The following KHDRBS2 variants were observed in gnomAD, a reference collection of about 807,000 sequenced individuals.
KHDRBS2 encodes KH domain-containing, RNA-binding, signal transduction-associated protein 2.
KHDRBS2 carries 26 observed loss-of-function variants against 44.3 expected under a neutral mutation model. The observed-to-expected ratio is 0.59, with a 90% confidence interval of 0.43 to 0.81. The LOEUF is 0.81. Ranked by LOEUF, KHDRBS2 falls within the 40% of genes least tolerant of loss-of-function variation. The pLI is 0.00. For missense variants in KHDRBS2, 476 were observed against 433.1 expected (o/e 1.10, Z -0.88); for synonymous variants, 194 against 151.1 (o/e 1.28, Z -2.08).
At chr6:62,028,042 A>G (rs1427157342) in intron 3 of KHDRBS2, among the ~76,000 whole-genome samples, 4 of 151,978 alleles carry the variant, frequency 2.6e-5, no homozygotes, top group Admixed American at 6.6e-5. Flanking sequence ...CTCTGAAGTG[A>G]GGGGGGCACT....
chr6:61,589,272 A>G, the KHDRBS2 span, among the ~76,000 whole-genome samples: 2 of 152,182 alleles, frequency 1.3e-5, no homozygotes, highest in Non-Finnish European at 2.9e-5. Flanking sequence ...TCAAGATTTT[A>G]TAGATATCAA....
chr6:62,067,773 C>T (rs529049113), intron 2 of KHDRBS2, among the ~76,000 whole-genome samples: 19 of 151,636 alleles, frequency 1.3e-4, no homozygotes, highest in Middle Eastern at 3.4e-3. Flanking sequence ...TAATCTACTT[C>T]CATCTCTATA....
At chr6:62,220,688 C>T (rs1288673384) in intron 1 of KHDRBS2, among the ~76,000 whole-genome samples, 3 of 151,028 alleles carry the variant, frequency 2.0e-5, no homozygotes, top group Non-Finnish European at 4.4e-5. Flanking sequence ...GAAAGAATAC[C>T]ATAAGAACAT....
chr6:61,892,427 A>G (rs1391106537), intron 6 of KHDRBS2, among the ~76,000 whole-genome samples: 1 of 152,194 alleles, frequency 6.6e-6, no homozygotes, highest in Non-Finnish European at 1.5e-5. Flanking sequence ...GAACCAAAAA[A>G]GAGCCTGCAT....
rs142560250 is a variant in KHDRBS2 at position 62,199,240 on chromosome 6, C to A, written c.92-21928G>T. Among the ~76,000 whole-genome samples the A allele has an allele frequency of 2.0e-5, 3 of 152,000 alleles. No homozygotes were observed. The East Asian group carries it at 5.8e-4, about 29-fold the overall frequency. On this transcript the variant is annotated intron_variant, in intron 1 of 8. Transcript: ENST00000281156. Reference sequence around the variant, plus strand: ...ATAGTGTTGGAAGTTCTGGCCAGGGCAATCAGGCAGGAGAAGGAAATAAAG... The same window carrying A: ...ATAGTGTTGGAAGTTCTGGCCAGGGAAATCAGGCAGGAGAAGGAAATAAAG...
chr6:61,582,590 A>T, the KHDRBS2 span, among the ~76,000 whole-genome samples: 2 of 151,770 alleles, frequency 1.3e-5, no homozygotes, highest in African/African-American at 4.8e-5. Context: ...AGAACTTAAA[A>T]AAGATGGGAA....
At chr6:61,791,708 G>A (rs1003080074) in intron 6 of KHDRBS2, among the ~76,000 whole-genome samples, 1 of 151,434 alleles carries the variant, frequency 6.6e-6, no homozygotes, top group Non-Finnish European at 1.5e-5. Context: ...TAGGTGTACT[G>A]AAATTTTTAT....
At chr6:61,714,326 A>G (rs1398753791) in intron 7 of KHDRBS2, among the ~76,000 whole-genome samples, 1 of 151,970 alleles carries the variant, frequency 6.6e-6, no homozygotes, top group Non-Finnish European at 1.5e-5. Context: ...AATGCAAATT[A>G]AAACCACAAT....
At chr6:62,041,007 T>C (rs1786362799) in intron 3 of KHDRBS2, among the ~76,000 whole-genome samples, 1 of 152,036 alleles carries the variant, frequency 6.6e-6, no homozygotes, top group South Asian at 2.1e-4. Flanking sequence ...CCCCTTTCCA[T>C]ATTGGTTATA....
chr6:62,188,874 G>A (rs1428917986), intron 1 of KHDRBS2, among the ~76,000 whole-genome samples: 1 of 152,168 alleles, frequency 6.6e-6, no homozygotes, highest in Non-Finnish European at 1.5e-5. Context: ...AGCACTTTGA[G>A]AGGCAGAGGC....
intron 1 of KHDRBS2, among the ~76,000 whole-genome samples, chr6:62,274,704 C>T (rs1245640343): frequency 6.6e-6 from 1 of 152,126 alleles, no homozygotes; most frequent in East Asian, 1.9e-4. Context: ...CCTTTCATCT[C>T]CATAGGCTTG....
At chr6:62,048,493 C>T (rs1418925516) in intron 2 of KHDRBS2, among the ~76,000 whole-genome samples, 1 of 151,822 alleles carries the variant, frequency 6.6e-6, no homozygotes, top group East Asian at 1.9e-4. Flanking sequence ...TAAGCATTGT[C>T]TGGTGACCAT....
intron 3 of KHDRBS2, among the ~76,000 whole-genome samples, chr6:61,982,131 T>A (rs1773964982): frequency 6.6e-6 from 1 of 152,184 alleles, no homozygotes; most frequent in Non-Finnish European, 1.5e-5. Context: ...TCCACTCAGA[T>A]GTGGCTGATG....
At chr6:62,062,595 A>C (rs1792261262) in intron 2 of KHDRBS2, among the ~76,000 whole-genome samples, 1 of 149,676 alleles carries the variant, frequency 6.7e-6, no homozygotes, top group Non-Finnish European at 1.5e-5. Flanking sequence ...ACAAAGACAC[A>C]ACATACCAGA....
chr6:61,879,222 T>C (rs1799878581), intron 6 of KHDRBS2, among the ~76,000 whole-genome samples: 1 of 151,988 alleles, frequency 6.6e-6, no homozygotes, highest in African/African-American at 2.4e-5. Context: ...TTTAGTTTAA[T>C]GGGATTTCCA....
At chr6:62,121,516 TCTC>T (rs546885033) in intron 2 of KHDRBS2, among the ~76,000 whole-genome samples, 101 of 152,266 alleles carry the variant, frequency 6.6e-4, no homozygotes, top group African/African-American at 2.3e-3. Context: ...AATTAACACA[TCTC>T]CTGGTACCTA....
At chr6:61,925,762 G>C (rs1562453829) in intron 4 of KHDRBS2, among the ~76,000 whole-genome samples, 1 of 151,786 alleles carries the variant, frequency 6.6e-6, no homozygotes, top group Non-Finnish European at 1.5e-5. Flanking sequence ...GTTTTGTGGG[G>C]CAATGAAAAC....
chr6:62,073,789 C>T (rs1795781765), intron 2 of KHDRBS2, among the ~76,000 whole-genome samples: 1 of 151,516 alleles, frequency 6.6e-6, no homozygotes, highest in Non-Finnish European at 1.5e-5. Context: ...AGCTCTCAGC[C>T]TCCTCCTAAT....
At chr6:61,579,264 A>C in the KHDRBS2 span, among the ~76,000 whole-genome samples, 1 of 152,166 alleles carries the variant, frequency 6.6e-6, no homozygotes, top group African/African-American at 2.4e-5. Context: ...AATGAAGAAT[A>C]AACTATTTGG....
Sources: gnomAD v4.1 joint callset for allele counts (sites outside exome capture counted in the v4.1 genomes callset) on GRCh38, gnomAD v4.1.1 for gene constraint, MANE v1.5 for transcripts, NCBI Gene and HGNC (gene_info 2026-07-23, HGNC 2026-07-21) for gene names.